Variants in SLC8A1 observed in about 807,000 individuals in gnomAD.
SLC8A1 encodes the protein sodium/calcium exchanger 1.
SLC8A1 carries 18 observed loss-of-function variants against 68.3 expected under a neutral mutation model. The ratio of observed to expected loss-of-function variants is 0.26; its 90% confidence interval spans 0.18 to 0.39. The LOEUF is 0.39. SLC8A1 is among the 10% of genes least tolerant of loss of function. SLC8A1 has a pLI of 1.00. For synonymous variants in SLC8A1, 475 were observed against 415.5 expected, an observed-to-expected ratio of 1.14 and a Z score of -1.74; for missense variants, 985 against 1,156.7, an observed-to-expected ratio of 0.85 and a Z score of 2.15.
At chr2:40,234,772 C>T (rs2060145582) in intron 2 of SLC8A1, among the ~76,000 whole-genome samples, 1 of 152,028 alleles carries the variant, frequency 6.6e-6, no homozygotes. Flanking sequence ...GAAATACGTC[C>T]CATCAATACC....
At chr2:40,276,074 T>C (rs2066658005) in intron 2 of SLC8A1, among the ~76,000 whole-genome samples, 1 of 152,234 alleles carries the variant, frequency 6.6e-6, no homozygotes, top group South Asian at 2.1e-4. Flanking sequence ...TGAAATCTAC[T>C]TGTCTATCTA....
chr2:40,184,974 A>G lies in SLC8A1; in HGVS notation c.1809-7119T>C, dbSNP rs181200938. 1.6e-3 allele frequency among the ~76,000 whole-genome samples: 250 copies of G among 152,156 alleles called. 4 individuals are homozygous for G. Among genetic ancestry groups the G allele is most frequent in the African/African-American group, 5.7e-3 (238 of 41,524 alleles). ...GATCTGAATGGCATTTCTCCACAGA[A>G]GATAAACAAATGGCCAATAAGTACA... On this transcript the variant is annotated intron_variant, in intron 2 of 7. Transcript: ENST00000406785.
At chr2:40,349,899 C>T (rs1670522383) in intron 2 of SLC8A1, among the ~76,000 whole-genome samples, 2 of 152,106 alleles carry the variant, frequency 1.3e-5, no homozygotes, top group South Asian at 4.2e-4. Context: ...AACATTGTTT[C>T]TATTTCCCTA....
intron 6 of SLC8A1, among the ~76,000 whole-genome samples, chr2:40,160,323 C>G (rs1366423): frequency 7.8e-4 from 118 of 152,126 alleles, no homozygotes; most frequent in Non-Finnish European, 1.4e-3. Context: ...GTATTTGTTG[C>G]ATGTTGTTGA....
chr2:40,399,349 C>T (rs572515946), intron 2 of SLC8A1, among the ~76,000 whole-genome samples: 2 of 152,158 alleles, frequency 1.3e-5, no homozygotes, highest in African/African-American at 4.8e-5. Context: ...TTTCACATAC[C>T]CCACACTAGG....
intron 1 of SLC8A1, among the ~76,000 whole-genome samples, chr2:40,430,538 C>A (rs1698043817): frequency 1.3e-5 from 2 of 152,166 alleles, no homozygotes; most frequent in East Asian, 3.9e-4. Flanking sequence ...CTCAATCTTT[C>A]TGTGAATTTA....
chr2:40,509,376 A>G (rs1209759145), intron 1 of SLC8A1, among the ~76,000 whole-genome samples: 1 of 146,098 alleles, frequency 6.8e-6, no homozygotes, highest in East Asian at 2.0e-4. Flanking sequence ...AATCTTTACT[A>G]TTCTGTCAGG....
chr2:40,216,494 T>C (rs1209316211), intron 2 of SLC8A1, among the ~76,000 whole-genome samples: 3 of 152,184 alleles, frequency 2.0e-5, no homozygotes, highest in Non-Finnish European at 2.9e-5. Flanking sequence ...GTAGAATGAT[T>C]TATATTCCTT....
intron 1 of SLC8A1, among the ~76,000 whole-genome samples, chr2:40,506,271 C>T (rs1053447557): frequency 2.4e-4 from 37 of 151,732 alleles, no homozygotes; most frequent in Non-Finnish European, 4.4e-4. Flanking sequence ...TGTATCTTTC[C>T]TCAAAAAGTA....
At chr2:40,330,492 G>T (rs2076299813) in intron 2 of SLC8A1, among the ~76,000 whole-genome samples, 1 of 152,172 alleles carries the variant, frequency 6.6e-6, no homozygotes, top group Non-Finnish European at 1.5e-5. Flanking sequence ...TAGAAAACTG[G>T]AAATACAAGA....
chr2:40,413,266 G>T (rs1304228134), intron 2 of SLC8A1, among the ~76,000 whole-genome samples: 1 of 152,112 alleles, frequency 6.6e-6, no homozygotes, highest in Non-Finnish European at 1.5e-5. Context: ...ATACCCAAAG[G>T]TTTATAAATC....
At chr2:40,321,495 T>G (rs1039132738) in intron 2 of SLC8A1, among the ~76,000 whole-genome samples, 10 of 152,228 alleles carry the variant, frequency 6.6e-5, no homozygotes, top group Middle Eastern at 3.4e-3. Flanking sequence ...CTCATGCTAC[T>G]AATAAAGACA....
chr2:40,241,838 AG>A (rs1357032570), intron 2 of SLC8A1, among the ~76,000 whole-genome samples: 2 of 152,142 alleles, frequency 1.3e-5, no homozygotes, highest in Non-Finnish European at 2.9e-5. Context: ...GTTCCAATCT[AG>A]TAAGATCAGA....
At chr2:40,287,338 T>G (rs2068480179) in intron 2 of SLC8A1, among the ~76,000 whole-genome samples, 1 of 152,156 alleles carries the variant, frequency 6.6e-6, no homozygotes, top group Non-Finnish European at 1.5e-5. Flanking sequence ...AGAAAACAGC[T>G]GTGTTTCCAA....
chr2:40,222,331 A>G (rs1216796690), intron 2 of SLC8A1, among the ~76,000 whole-genome samples: 1 of 152,190 alleles, frequency 6.6e-6, no homozygotes, highest in Non-Finnish European at 1.5e-5. Flanking sequence ...ATACGCAGAA[A>G]ACTGAAACTG....
chr2:40,112,633 G>C (rs2034681482), exon 8 of SLC8A1: 2 of 148,204 alleles, frequency 1.3e-5, no homozygotes, highest in Middle Eastern at 3.4e-3. Flanking sequence ...GGTGCTTCTA[G>C]GCTAGCTTTC....
At chr2:40,135,708 T>C (rs1042986369) in intron 7 of SLC8A1, among the ~76,000 whole-genome samples, 10 of 151,338 alleles carry the variant, frequency 6.6e-5, no homozygotes, top group Admixed American at 6.6e-4. Flanking sequence ...ACAGAGCGAG[T>C]CTCCATCTTA....
intron 2 of SLC8A1, among the ~76,000 whole-genome samples, chr2:40,349,192 A>G (rs1016285675): frequency 2.6e-5 from 4 of 152,208 alleles, no homozygotes; most frequent in Non-Finnish European, 5.9e-5. Context: ...CAAATGTGGT[A>G]TAAGCCTGTT....
intron 6 of SLC8A1, 71 bp from the exon 10 acceptor site, chr2:40,139,747 C>G (rs985726413): frequency 2.3e-5 from 35 of 1,528,300 alleles, no homozygotes; most frequent in Middle Eastern, 2.3e-4. Flanking sequence ...CTCAATCTCT[C>G]CTATCTAGGT....
Sources: gnomAD v4.1 joint callset for allele counts (sites outside exome capture counted in the v4.1 genomes callset) on GRCh38, gnomAD v4.1.1 for gene constraint, MANE v1.5 for transcripts, NCBI Gene and HGNC (gene_info 2026-07-23, HGNC 2026-07-21) for gene names.